The following AGBL1 variants were observed in gnomAD, a reference collection of about 807,000 sequenced individuals.
AGBL1 encodes the protein AGBL carboxypeptidase 1.
Under a neutral mutation model 118.9 loss-of-function variants are expected in AGBL1, and 130 were observed. The ratio of observed to expected loss-of-function variants is 1.09; its 90% CI spans 0.95 to 1.26. The LOEUF (loss-of-function observed/expected upper bound fraction) is 1.26. AGBL1 is among the 50% of genes most tolerant of loss of function. The probability of loss-of-function intolerance (pLI) is 0.00; values close to 1 mark genes in which losing one functional copy is unlikely to be tolerated. For synonymous variants in AGBL1, 555 were observed against 478.9 expected, an observed-to-expected ratio of 1.16 and a Z score of -2.08; for missense variants, 1,584 against 1,298.1, an observed-to-expected ratio of 1.22 and a Z score of -3.38.
intron 23 of AGBL1, among the ~76,000 whole-genome samples, chr15:86,963,389 A>G (rs1325684716): frequency 2.0e-5 from 3 of 152,008 alleles, no homozygotes; most frequent in Non-Finnish European, 4.4e-5. Flanking sequence ...TTTATTTATC[A>G]CTGGTTAATT....
At chr15:86,562,561 AT>A (rs1314447687) in intron 21 of AGBL1, among the ~76,000 whole-genome samples, 2 of 152,052 alleles carry the variant, frequency 1.3e-5, no homozygotes, top group African/African-American at 2.4e-5. Flanking sequence ...TTTATTGAGG[AT>A]TTTTGCATCA....
chr15:86,154,688 T>A, intron 4 of AGBL1, 127 bp downstream of exon 4: 4 of 1,195,874 alleles, frequency 3.3e-6, no homozygotes, highest in Non-Finnish European at 4.5e-6. Flanking sequence ...CCCAGCCAGA[T>A]AAATAAAAGA....
At chr15:86,924,661 A>G (rs2080512709) in intron 23 of AGBL1, among the ~76,000 whole-genome samples, 1 of 152,164 alleles carries the variant, frequency 6.6e-6, no homozygotes, top group Non-Finnish European at 1.5e-5. Flanking sequence ...GTACCACAAG[A>G]TTGTTCGTAG....
intron 17 of AGBL1, among the ~76,000 whole-genome samples, chr15:86,344,675 T>G (rs1294369639): frequency 1.3e-5 from 2 of 151,908 alleles, no homozygotes; most frequent in African/African-American, 4.8e-5. Flanking sequence ...ATTTTAAAAG[T>G]AGTGATAGTA....
At position 86,424,320 on chromosome 15, in the gene AGBL1, A is replaced by T. The variant is rs192815030; in HGVS notation, c.2555+26774A>T. Among the ~76,000 whole-genome samples, 122 of 152,322 alleles carry T rather than the reference A, an allele frequency of 8.0e-4. 3 individuals are homozygous for T. The Middle Eastern group carries it at 0.014, about 17-fold the overall frequency. ...TCCTATTTAATAAATGGCATTGAGA[A>T]AACTAGCTAGCCATATGTAGAAAAC... On this transcript the variant is annotated intron_variant, in intron 18 of 22. Transcript: ENST00000614907.
At chr15:86,199,013 G>T (rs1047158289) in intron 5 of AGBL1, among the ~76,000 whole-genome samples, 4 of 152,100 alleles carry the variant, frequency 2.6e-5, no homozygotes, top group African/African-American at 7.2e-5. Context: ...ATAATTTGTG[G>T]TGTAGTTTTC....
intron 23 of AGBL1, among the ~76,000 whole-genome samples, chr15:86,974,684 G>T (rs536236287): frequency 6.7e-6 from 1 of 149,324 alleles, no homozygotes; most frequent in East Asian, 2.0e-4. Context: ...ATAATAGCAA[G>T]TAAAAAAAAC....
rs35270382 is a variant in AGBL1, at chr15:86,502,597, GT to G, written c.2556-20200del. Among the ~76,000 whole-genome samples, 95 of 145,642 alleles carry G rather than the reference GT, an allele frequency of 6.5e-4. No homozygotes were observed. The South Asian group carries it at 9.6e-3, about 15-fold the overall frequency. On this transcript the variant is annotated intron_variant, in intron 18 of 22. Coordinates refer to ENST00000614907, the MANE Select transcript of AGBL1 (RefSeq NM_001386094.1). The stretch of plus-strand genomic sequence containing the variant: ...TCAGGTTGAAGAAGTTCCCTTCTTA[GT>G]TTTTTTTTTTTTAACATGTTTTTAT...
chr15:86,224,124 C>G (rs537098412), intron 5 of AGBL1, among the ~76,000 whole-genome samples: 40 of 152,234 alleles, frequency 2.6e-4, no homozygotes, highest in African/African-American at 9.6e-4. Context: ...TTACTAGGGC[C>G]ACACAGAATC....
intron 22 of AGBL1, among the ~76,000 whole-genome samples, chr15:86,785,959 G>A (rs1463806696): frequency 6.6e-6 from 1 of 152,136 alleles, no homozygotes; most frequent in African/African-American, 2.4e-5. Context: ...TAGTGTTCTA[G>A]GTTAGTGCTG....
intron 18 of AGBL1, among the ~76,000 whole-genome samples, chr15:86,456,969 A>T (rs2142078707): frequency 6.6e-6 from 1 of 152,288 alleles, no homozygotes; most frequent in Admixed American, 6.5e-5. Flanking sequence ...TTCCTTATGG[A>T]TTCATTTCAA....
At chr15:86,328,793 T>C (rs977369071) in intron 17 of AGBL1, among the ~76,000 whole-genome samples, 4 of 152,284 alleles carry the variant, frequency 2.6e-5, no homozygotes, top group South Asian at 2.1e-4. Context: ...TAACTTGGAA[T>C]GAGGCTTGAA....
intron 22 of AGBL1, among the ~76,000 whole-genome samples, chr15:86,845,139 A>C (rs1248022503): frequency 1.3e-5 from 2 of 152,070 alleles, no homozygotes; most frequent in East Asian, 1.9e-4. Context: ...TATTCTTGGT[A>C]ATTTTCATTT....
intron 18 of AGBL1, among the ~76,000 whole-genome samples, chr15:86,426,162 C>T (rs545423663): frequency 6.6e-6 from 1 of 152,226 alleles, no homozygotes; most frequent in South Asian, 2.1e-4. Flanking sequence ...ATATTTAGAA[C>T]TTGAACATTG....
At chr15:86,757,640 A>G (rs2077960788) in intron 22 of AGBL1, among the ~76,000 whole-genome samples, 1 of 152,088 alleles carries the variant, frequency 6.6e-6, no homozygotes, top group African/African-American at 2.4e-5. Context: ...TTAAATGACA[A>G]ATGGTCTTGT....
At chr15:86,255,602 G>C (rs1439179995) in intron 7 of AGBL1, among the ~76,000 whole-genome samples, 2 of 152,106 alleles carry the variant, frequency 1.3e-5, no homozygotes, top group African/African-American at 4.8e-5. Flanking sequence ...AACCAACATG[G>C]GGAAACCCCG....
At chr15:86,579,829 A>C (rs1249556440) in intron 21 of AGBL1, among the ~76,000 whole-genome samples, 9 of 152,174 alleles carry the variant, frequency 5.9e-5, no homozygotes, top group African/African-American at 2.2e-4. Flanking sequence ...GGTGCAATTG[A>C]CCGGACTGGA....
At chr15:86,539,736 T>C (rs932637638) in intron 19 of AGBL1, among the ~76,000 whole-genome samples, 7 of 152,224 alleles carry the variant, frequency 4.6e-5, no homozygotes, top group Non-Finnish European at 7.3e-5. Flanking sequence ...TCATCTTATG[T>C]ATAACCTCCC....
intron 21 of AGBL1, among the ~76,000 whole-genome samples, chr15:86,563,553 T>C (rs546780036): frequency 1.2e-5 from 1 of 86,530 alleles, no homozygotes; most frequent in East Asian, 6.0e-4. Flanking sequence ...GAGAAGTGCT[T>C]TACTTCCAAC....
Sources: allele counts gnomAD v4.1 joint callset (sites outside exome capture counted in the v4.1 genomes callset), GRCh38; gene constraint gnomAD v4.1.1; transcripts MANE v1.5; gene names NCBI Gene and HGNC (gene_info 2026-07-23, HGNC 2026-07-21).